CSMD1: variants seen among roughly 807,000 people sequenced by gnomAD.
CSMD1 encodes the protein CUB and sushi domain-containing protein 1.
A neutral mutation model predicts 417.5 loss-of-function variants in CSMD1; 213 were observed. The ratio of observed to expected loss-of-function variants is 0.51; its 90% CI spans 0.46 to 0.57. The LOEUF (loss-of-function observed/expected upper bound fraction) is 0.57, where lower values mean the gene tolerates loss of function less well. Ranked by LOEUF, CSMD1 falls within the 20% of genes least tolerant of loss-of-function variation. The probability of loss-of-function intolerance (pLI) is 0.00; values close to 1 mark genes in which losing one functional copy is unlikely to be tolerated. For missense variants in CSMD1, 6,923 were observed against 4,529.7 expected (o/e 1.53, Z -15.17); for synonymous variants, 2,862 against 1,736.8 (o/e 1.65, Z -16.11).
chr8:3,078,198 C>G lies in CSMD1; in HGVS notation c.7474+8899G>C, dbSNP rs1007712342. Among the ~76,000 whole-genome samples the G allele has an allele frequency of 3.3e-5, 5 of 152,256 alleles. No homozygotes were observed. In the East Asian group the frequency reaches 9.6e-4, roughly 29 times the overall value. ...TTACTTTGCATATTTTGTACAGTTCCTTGTGCAGAAAGGTCAAGGTCTTCA... is the reference window on the plus strand; with the variant it reads ...TTACTTTGCATATTTTGTACAGTTCGTTGTGCAGAAAGGTCAAGGTCTTCA... On this transcript the variant is annotated intron_variant, in intron 49 of 69. Coordinates refer to ENST00000635120, the MANE Select transcript of CSMD1 (RefSeq NM_033225.6).
At chr8:4,097,045 A>G (rs1319535825) in intron 3 of CSMD1, among the ~76,000 whole-genome samples, 2 of 152,172 alleles carry the variant, frequency 1.3e-5, no homozygotes, top group Non-Finnish European at 1.5e-5. Context: ...TAATTAACTG[A>G]TGCCTCATTC....
Position 3,796,231 on chromosome 8 carries a change from C to G in CSMD1, c.819-42189G>C, listed in dbSNP as rs1244605162. Among the ~76,000 whole-genome samples the G allele has an allele frequency of 5.3e-4, 10 of 18,988 alleles. 1 individual carries two copies. The highest frequency in any genetic ancestry group is 6.8e-4 in the Non-Finnish European group (8 of 11,814). 12.5% of individuals were successfully genotyped at this position (18,988 alleles called of 152,430 possible). A position where few individuals can be genotyped will look rare whatever the true frequency, so the allele number is the denominator to read the frequency against. On this transcript the variant is annotated intron_variant, in intron 5 of 69. Transcript: ENST00000635120. The stretch of plus-strand genomic sequence containing the variant: ...ATCATAGATATAGATATATATCTAT[C>G]ATAGATATAGATATATATCTATCAT...
At chr8:3,949,699 G>A (rs1036469115) in intron 5 of CSMD1, among the ~76,000 whole-genome samples, 2 of 152,068 alleles carry the variant, frequency 1.3e-5, no homozygotes, top group Non-Finnish European at 2.9e-5. Flanking sequence ...TATTATAAGG[G>A]CACATTTCCT....
chr8:4,535,986 T>G (rs1797082567), intron 2 of CSMD1, among the ~76,000 whole-genome samples: 1 of 150,624 alleles, frequency 6.6e-6, no homozygotes, highest in Non-Finnish European at 1.5e-5. Flanking sequence ...TATCTTAAAA[T>G]AAATAAAAGT....
intron 2 of CSMD1, among the ~76,000 whole-genome samples, chr8:4,455,484 T>C (rs977756923): frequency 1.3e-5 from 2 of 152,026 alleles, no homozygotes; most frequent in African/African-American, 4.8e-5. Context: ...CATCTAAGAA[T>C]AGAGGAAGCT....
intron 61 of CSMD1, among the ~76,000 whole-genome samples, chr8:2,961,457 G>T (rs973362068): frequency 6.6e-6 from 1 of 151,634 alleles, no homozygotes; most frequent in Admixed American, 6.6e-5. Context: ...AAGAATAAGT[G>T]CATTTTTTTT....
At chr8:4,235,564 CTT>C (rs1050922821) in intron 3 of CSMD1, among the ~76,000 whole-genome samples, 35 of 152,094 alleles carry the variant, frequency 2.3e-4, no homozygotes, top group African/African-American at 8.5e-4. Context: ...TTTTCTTGTG[CTT>C]TTATAAAGAA....
intron 25 of CSMD1, among the ~76,000 whole-genome samples, chr8:3,288,445 G>A (rs1457212874): frequency 6.8e-6 from 1 of 146,790 alleles, no homozygotes; most frequent in Non-Finnish European, 1.5e-5. Flanking sequence ...TTTTTTGGTT[G>A]GTAAGCTACT....
In CSMD1 at chr8:4,972,477, C is replaced by T. The variant is rs1157361301; in HGVS notation, c.85+21855G>A. Among the ~76,000 whole-genome samples, 10 of 152,124 alleles carry T rather than the reference C, an allele frequency of 6.6e-5. No individual in the cohort carries two copies. The East Asian group carries it at 1.7e-3, about 26-fold the overall frequency. The stretch of plus-strand genomic sequence containing the variant: ...CTTCCTGTGTTCATTCTCCTTCCTG[C>T]CATCTTGTGAAGAAGGTGCCTGACT... On this transcript the variant is annotated intron_variant, in intron 1 of 69. Coordinates refer to ENST00000635120, the MANE Select transcript of CSMD1 (RefSeq NM_033225.6).
intron 5 of CSMD1, among the ~76,000 whole-genome samples, chr8:3,960,557 G>A (rs573851416): frequency 6.6e-6 from 1 of 152,032 alleles, no homozygotes; most frequent in Admixed American, 6.6e-5. Context: ...AGCATTTTTA[G>A]TCTTGAGGAT....
intron 5 of CSMD1, among the ~76,000 whole-genome samples, chr8:3,763,765 A>C (rs1261220353): frequency 1.3e-5 from 2 of 152,200 alleles, no homozygotes; most frequent in African/African-American, 4.8e-5. Context: ...AAATGGTGGT[A>C]GGACAATGAC....
chr8:4,472,106 A>G (rs891757527), intron 2 of CSMD1, among the ~76,000 whole-genome samples: 1 of 152,174 alleles, frequency 6.6e-6, no homozygotes, highest in Non-Finnish European at 1.5e-5. Context: ...TGTTCTAAAG[A>G]ATGCTTTAAT....
intron 3 of CSMD1, among the ~76,000 whole-genome samples, chr8:4,045,790 C>G (rs2130662364): frequency 6.6e-6 from 1 of 152,284 alleles, no homozygotes; most frequent in East Asian, 1.9e-4. Context: ...AAAGCTATTT[C>G]CAGACATTGT....
At chr8:4,156,286 G>C (rs1584924936) in intron 3 of CSMD1, among the ~76,000 whole-genome samples, 2 of 152,100 alleles carry the variant, frequency 1.3e-5, no homozygotes, top group Admixed American at 6.5e-5. Context: ...TGATGGGGTT[G>C]AAAATGCTTT....
chr8:3,984,073 G>A (rs532219309), intron 5 of CSMD1, among the ~76,000 whole-genome samples: 3 of 147,230 alleles, frequency 2.0e-5, no homozygotes, highest in Non-Finnish European at 4.6e-5. Flanking sequence ...CAGCTCTAGA[G>A]CACACCACAG....
chr8:3,463,339 C>G (rs902509556), intron 12 of CSMD1, among the ~76,000 whole-genome samples: 1 of 152,102 alleles, frequency 6.6e-6, no homozygotes, highest in Non-Finnish European at 1.5e-5. Context: ...TTAAGTCAAG[C>G]CCTTGGAAAA....
chr8:3,817,311 C>A (rs899915419), intron 5 of CSMD1, among the ~76,000 whole-genome samples: 1 of 102,326 alleles, frequency 9.8e-6, no homozygotes, highest in African/African-American at 3.7e-5. Flanking sequence ...GATGGAGTCT[C>A]GCTGTGTCAC....
At chr8:4,665,823 G>A (rs943342673) in intron 1 of CSMD1, among the ~76,000 whole-genome samples, 1 of 152,142 alleles carries the variant, frequency 6.6e-6, no homozygotes, top group Non-Finnish European at 1.5e-5. Flanking sequence ...AAATATTTAT[G>A]TAAAAGTCTT....
At chr8:4,728,716 C>T (rs1809636909) in intron 1 of CSMD1, among the ~76,000 whole-genome samples, 1 of 151,712 alleles carries the variant, frequency 6.6e-6, no homozygotes. Context: ...TATTTGTGAT[C>T]GTATTTCAGT....
Sources: allele counts gnomAD v4.1 joint callset (sites outside exome capture counted in the v4.1 genomes callset), GRCh38; gene constraint gnomAD v4.1.1; transcripts MANE v1.5; gene names NCBI Gene and HGNC (gene_info 2026-07-23, HGNC 2026-07-21).